Variants in PKIA observed in about 807,000 individuals in gnomAD.
PKIA encodes cAMP-dependent protein kinase inhibitor alpha.
A neutral mutation model predicts 7.6 loss-of-function variants in PKIA; 4 were observed. The observed-to-expected ratio is 0.52, with a 90% CI of 0.26 to 1.20. The LOEUF (loss-of-function observed/expected upper bound fraction) is 1.20. Ranked by LOEUF, PKIA falls within the 50% of genes most tolerant of loss-of-function variation. The pLI is 0.13. For missense variants in PKIA, 73 were observed against 86.2 expected, an observed-to-expected ratio of 0.85 and a Z score of 0.61; for synonymous variants, 21 against 30.7, an observed-to-expected ratio of 0.68 and a Z score of 1.04.
chr8:78,588,984 T>C (rs917516751), intron 2 of PKIA, among the ~76,000 whole-genome samples: 10 of 151,900 alleles, frequency 6.6e-5, no homozygotes, highest in Admixed American at 2.6e-4. Flanking sequence ...AGGGAAGATG[T>C]AAGCAATTTG....
At chr8:78,528,275 A>T (rs376792979) in intron 1 of PKIA, among the ~76,000 whole-genome samples, 1 of 152,066 alleles carries the variant, frequency 6.6e-6, no homozygotes, top group Non-Finnish European at 1.5e-5. Flanking sequence ...CTTTTAAAAA[A>T]CAGCCATTTG....
intron 1 of PKIA, among the ~76,000 whole-genome samples, chr8:78,525,076 T>C (rs1198185314): frequency 1.3e-5 from 2 of 151,568 alleles, no homozygotes; most frequent in Non-Finnish European, 1.5e-5. Context: ...CCCTCTGGGG[T>C]ATTATAAGTT....
chr8:78,525,466 T>A, intron 1 of PKIA, among the ~76,000 whole-genome samples: 1 of 152,010 alleles, frequency 6.6e-6, no homozygotes, highest in East Asian at 1.9e-4. Context: ...ACACTAAAAT[T>A]ATCTGACACT....
At chr8:78,583,196 A>G (rs1429585409) in intron 2 of PKIA, among the ~76,000 whole-genome samples, 1 of 152,190 alleles carries the variant, frequency 6.6e-6, no homozygotes, top group African/African-American at 2.4e-5. Context: ...AAGGGCACAC[A>G]GACACTAAAG....
In PKIA at chr8:78,602,694, A is replaced by ATATATATATATATATATAT. The variant is rs1563597433; in HGVS notation, c.*873_*874insTATATATATATATATATAT. The ATATATATATATATATATAT allele has an allele frequency of 2.9e-5, 4 of 136,954 alleles. No homozygotes were observed. Among genetic ancestry groups the ATATATATATATATATATAT allele is most frequent in the Non-Finnish European group, 6.3e-5 (4 of 63,584 alleles). 8.5% of individuals were successfully genotyped at this position (136,954 alleles called of 1,614,324 possible). On this transcript the variant is annotated 3_prime_UTR_variant, in exon 4 of 4. Coordinates refer to ENST00000396418, the MANE Select transcript of PKIA (RefSeq NM_006823.4). ...CTCAAGTGGAGAACTTCTCCCACAT[A>ATATATATATATATATATAT]ATATATATATATATATATATTTTAA...
chr8:78,523,046 A>T (rs925476652), intron 1 of PKIA, among the ~76,000 whole-genome samples: 1 of 151,932 alleles, frequency 6.6e-6, no homozygotes, highest in Non-Finnish European at 1.5e-5. Flanking sequence ...TCTCTATTGC[A>T]TCGGCCAGGA....
chr8:78,581,005 A>G (rs1807794187), intron 2 of PKIA, among the ~76,000 whole-genome samples: 1 of 152,046 alleles, frequency 6.6e-6, no homozygotes, highest in South Asian at 2.1e-4. Flanking sequence ...AGCTCAGTCT[A>G]TTGCAAAGGC....
intron 1 of PKIA, among the ~76,000 whole-genome samples, chr8:78,519,944 G>A (rs999379119): frequency 6.6e-6 from 1 of 152,094 alleles, no homozygotes; most frequent in Non-Finnish European, 1.5e-5. Context: ...CCAACCAGAT[G>A]TGCCCCTCTC....
At chr8:78,517,374 T>C (rs1809335509) in intron 1 of PKIA, among the ~76,000 whole-genome samples, 1 of 152,158 alleles carries the variant, frequency 6.6e-6, no homozygotes, top group East Asian at 1.9e-4. Flanking sequence ...TACTGGAGTG[T>C]GAGGGATGTT....
chr8:78,567,833 C>T (rs1807454870), intron 1 of PKIA, among the ~76,000 whole-genome samples: 1 of 152,070 alleles, frequency 6.6e-6, no homozygotes, highest in African/African-American at 2.4e-5. Context: ...GATTATATAC[C>T]ACTTTATTTT....
intron 1 of PKIA, among the ~76,000 whole-genome samples, chr8:78,521,532 AAGAT>A (rs910715385): frequency 2.0e-5 from 3 of 152,048 alleles, no homozygotes; most frequent in African/African-American, 7.2e-5. Flanking sequence ...CAGAGATGGA[AAGAT>A]AGAAAACTCA....
chr8:78,548,046 TAA>T (rs1440396820), intron 1 of PKIA, among the ~76,000 whole-genome samples: 1 of 152,034 alleles, frequency 6.6e-6, no homozygotes, highest in Admixed American at 6.6e-5. Context: ...ACAAATATAT[TAA>T]GATAAATAGT....
At chr8:78,572,570 C>CAT (rs1807578168) in intron 1 of PKIA, among the ~76,000 whole-genome samples, 1 of 151,504 alleles carries the variant, frequency 6.6e-6, no homozygotes, top group South Asian at 2.1e-4. Flanking sequence ...CACACACACA[C>CAT]ACAATTAATT....
intron 2 of PKIA, among the ~76,000 whole-genome samples, chr8:78,597,894 G>T (rs1437120979): frequency 1.3e-5 from 2 of 151,928 alleles, no homozygotes; most frequent in Non-Finnish European, 2.9e-5. Flanking sequence ...ACGAGATCAT[G>T]TCTGTTGCAG....
intron 1 of PKIA, among the ~76,000 whole-genome samples, chr8:78,542,049 A>T (rs1490786399): frequency 6.6e-6 from 1 of 152,022 alleles, no homozygotes; most frequent in African/African-American, 2.4e-5. Flanking sequence ...GGTGGTGTGC[A>T]TCTGTAGTCC....
intron 1 of PKIA, among the ~76,000 whole-genome samples, chr8:78,564,679 G>A (rs1002664641): frequency 1.3e-5 from 2 of 151,610 alleles, no homozygotes; most frequent in African/African-American, 2.4e-5. Context: ...ATATAAAGGT[G>A]TTCATTGTCC....
intron 2 of PKIA, among the ~76,000 whole-genome samples, chr8:78,579,218 A>T (rs1807747582): frequency 6.6e-6 from 1 of 151,996 alleles, no homozygotes; most frequent in African/African-American, 2.4e-5. Flanking sequence ...CTCTTACAGG[A>T]TCTTCCTCCT....
chr8:78,523,952 TTA>T (rs1387662266), intron 1 of PKIA, among the ~76,000 whole-genome samples: 1 of 97,480 alleles, frequency 1.0e-5, no homozygotes, highest in South Asian at 2.9e-4. Context: ...ACATTTATAT[TTA>T]TATATAAATA....
chr8:78,562,732 G>A lies in PKIA; in HGVS notation c.-156-10079G>A, dbSNP rs994570397. 2.0e-5 allele frequency among the ~76,000 whole-genome samples: 3 copies of A among 152,048 alleles called. No individual in the cohort carries two copies. In the East Asian group the frequency reaches 5.8e-4, roughly 29 times the overall value. On this transcript the variant is annotated intron_variant, in intron 1 of 3. Transcript: ENST00000396418. ...TCTATCCCATTAACCAGTTTCACTT[G>A]TCAATTTGTTTACTTATGTACTCTA...
Sources: gnomAD v4.1 joint callset for allele counts (sites outside exome capture counted in the v4.1 genomes callset) on GRCh38, gnomAD v4.1.1 for gene constraint, MANE v1.5 for transcripts, NCBI Gene and HGNC (gene_info 2026-07-23, HGNC 2026-07-21) for gene names.